CHLSN: variants seen among roughly 807,000 people sequenced by gnomAD.
CHLSN encodes protein cholesin.
chr7:1,116,504 C>T, the CHLSN span, among the ~76,000 whole-genome samples: 4 of 85,240 alleles, frequency 4.7e-5, no homozygotes, highest in South Asian at 4.2e-4. Context: ...CCGACGCCCA[C>T]GCAGGATGAT....
At chr7:1,072,285 T>G in the CHLSN span, among the ~76,000 whole-genome samples, 2 of 152,190 alleles carry the variant, frequency 1.3e-5, no homozygotes, top group Non-Finnish European at 2.9e-5. Flanking sequence ...GCAGCCCGTG[T>G]GCTGAGGAGG....
chr7:1,107,875 CACACT>C, the CHLSN span, among the ~76,000 whole-genome samples: 5 of 146,438 alleles, frequency 3.4e-5, no homozygotes, highest in African/African-American at 1.0e-4. Context: ...GGCTGTGTCC[CACACT>C]GGAGACCCGC....
At chr7:1,001,072 C>T in the CHLSN span, among the ~76,000 whole-genome samples, 1 of 152,228 alleles carries the variant, frequency 6.6e-6, no homozygotes, top group Non-Finnish European at 1.5e-5. Flanking sequence ...CCGTCCCGCT[C>T]CTGCACTAGG....
the CHLSN span, chr7:1,059,279 G>C: frequency 6.1e-6 from 1 of 164,488 alleles, no homozygotes; most frequent in Admixed American, 6.5e-5. Context: ...ATTTCTGACT[G>C]AATACCAGAG....
the CHLSN span, among the ~76,000 whole-genome samples, chr7:1,127,680 CGGGCTGG>C: frequency 4.4e-5 from 3 of 68,548 alleles, no homozygotes; most frequent in South Asian, 7.0e-4. Flanking sequence ...CACCGTCACC[CGGGCTGG>C]AGTGCAGTGG....
the CHLSN span, chr7:988,247 CCT>C: frequency 1.3e-6 from 2 of 1,552,838 alleles, no homozygotes; most frequent in Non-Finnish European, 1.7e-6. Flanking sequence ...CCCCGGGGCC[CCT>C]CTCTCTGTGC....
chr7:983,414 C>G, the CHLSN span: 1 of 1,453,220 alleles, frequency 6.9e-7, no homozygotes, highest in Non-Finnish European at 9.1e-7. Flanking sequence ...GCAGCTCTTG[C>G]CGCTTGGACA....
At chr7:1,087,661 A>C in the CHLSN span, among the ~76,000 whole-genome samples, 1 of 152,216 alleles carries the variant, frequency 6.6e-6, no homozygotes, top group Non-Finnish European at 1.5e-5. Context: ...TTCCTAAGTT[A>C]CTTGTCAGAA....
At chr7:1,009,904 T>G in the CHLSN span, 119 of 1,455,742 alleles carry the variant, frequency 8.2e-5, no homozygotes, top group Non-Finnish European at 1.0e-4. Context: ...AGGCAGGGGT[T>G]GAGACGCACG....
chr7:1,110,418 T>C, the CHLSN span, among the ~76,000 whole-genome samples: 6 of 152,204 alleles, frequency 3.9e-5, no homozygotes, highest in South Asian at 1.2e-3. Context: ...CGCCGGCACC[T>C]CCCGGGCCAA....
At chr7:1,136,581 TATAAAC>T in the CHLSN span, among the ~76,000 whole-genome samples, 1 of 133,102 alleles carries the variant, frequency 7.5e-6, no homozygotes, top group East Asian at 2.2e-4. Flanking sequence ...CATAAACATA[TATAAAC>T]ATATATAAAC....
chr7:1,103,717 C>T, the CHLSN span, among the ~76,000 whole-genome samples: 3 of 152,240 alleles, frequency 2.0e-5, no homozygotes, highest in Non-Finnish European at 2.9e-5. Context: ...CCACCCTGCA[C>T]AGGAGAGGGC....
At chr7:1,086,612 C>T in the CHLSN span, among the ~76,000 whole-genome samples, 1 of 152,224 alleles carries the variant, frequency 6.6e-6, no homozygotes, top group South Asian at 2.1e-4. Flanking sequence ...TCCCGAGGGG[C>T]CGAGTGCCCC....
the CHLSN span, among the ~76,000 whole-genome samples, chr7:1,022,015 G>A: frequency 6.6e-6 from 1 of 152,194 alleles, no homozygotes. Flanking sequence ...CAGCGATGAC[G>A]GCCCACAGGC....
the CHLSN span, chr7:988,500 T>C: frequency 6.2e-7 from 1 of 1,600,682 alleles, no homozygotes; most frequent in Non-Finnish European, 8.5e-7. Flanking sequence ...CTGCCGCCTC[T>C]GCACCCACCT....
the CHLSN span, among the ~76,000 whole-genome samples, chr7:1,065,866 C>A: frequency 6.6e-6 from 1 of 152,236 alleles, no homozygotes; most frequent in East Asian, 1.9e-4. Context: ...TTTAATACTC[C>A]GCGATCCAAA....
the CHLSN span, chr7:1,021,480 T>C: frequency 6.1e-6 from 6 of 985,474 alleles, no homozygotes; most frequent in Non-Finnish European, 7.2e-6. Flanking sequence ...CCACCTGGGC[T>C]GCTGCTTTGA....
the CHLSN span, chr7:1,055,150 T>C: frequency 2.3e-6 from 1 of 438,472 alleles, no homozygotes; most frequent in Non-Finnish European, 4.7e-6. Context: ...AGGCCAGCTG[T>C]GCTCAGTTTG....
At chr7:994,496 T>C in the CHLSN span, among the ~76,000 whole-genome samples, 1 of 152,156 alleles carries the variant, frequency 6.6e-6, no homozygotes, top group Admixed American at 6.5e-5. Context: ...TGCCGGCTCT[T>C]GCTGTGGTGT....
Sources: allele counts gnomAD v4.1 joint callset (sites outside exome capture counted in the v4.1 genomes callset), GRCh38; gene constraint gnomAD v4.1.1; transcripts MANE v1.5; gene names NCBI Gene and HGNC (gene_info 2026-07-23, HGNC 2026-07-21).